PARN: variants seen among roughly 807,000 people sequenced by gnomAD.
The protein encoded by PARN is poly(A)-specific ribonuclease PARN.
A neutral mutation model predicts 102.8 loss-of-function variants in PARN; 71 were observed. The ratio of observed to expected loss-of-function variants is 0.69; its 90% CI spans 0.57 to 0.84. The LOEUF is 0.84. Among genes scored for constraint, PARN ranks in the 40% least tolerant of loss-of-function variants. The probability of loss-of-function intolerance (pLI) is 0.00; values close to 1 mark genes in which losing one functional copy is unlikely to be tolerated. For missense variants in PARN, 782 were observed against 760.9 expected (o/e 1.03, Z -0.33); for synonymous variants, 261 against 252.9 (o/e 1.03, Z -0.30).
intron 11 of PARN, chr16:14,601,781 G>T: frequency 6.6e-6 from 1 of 151,524 alleles, no homozygotes; most frequent in Non-Finnish European, 1.5e-5. Context: ...AAATTAGCCG[G>T]ACGCAGTGGC....
chr16:14,512,715 T>C (rs146910037), intron 21 of PARN, among the ~76,000 whole-genome samples: 1 of 152,168 alleles, frequency 6.6e-6, no homozygotes, highest in Non-Finnish European at 1.5e-5. Context: ...TGGGACCTTA[T>C]GGGACTCCAA....
At chr16:14,591,004 A>G (rs1453973390) in intron 13 of PARN, among the ~76,000 whole-genome samples, 1 of 152,096 alleles carries the variant, frequency 6.6e-6, no homozygotes, top group East Asian at 1.9e-4. Flanking sequence ...GGTTTTACCT[A>G]TTTGGGAGGC....
At chr16:14,620,632 C>A (rs1285152472) in intron 5 of PARN, among the ~76,000 whole-genome samples, 1 of 152,114 alleles carries the variant, frequency 6.6e-6, no homozygotes, top group Non-Finnish European at 1.5e-5. Context: ...CAAACAGTTC[C>A]ATTAAACTTA....
chr16:14,469,705 T>C (rs1405757467), intron 22 of PARN, among the ~76,000 whole-genome samples: 1 of 133,660 alleles, frequency 7.5e-6, no homozygotes, highest in Non-Finnish European at 1.7e-5. Context: ...AAGCATAAAG[T>C]GTCAAAAAAA....
chr16:14,565,410 C>CAA (rs71636621), intron 18 of PARN, among the ~76,000 whole-genome samples: 5 of 105,638 alleles, frequency 4.7e-5, no homozygotes, highest in African/African-American at 1.7e-4. Context: ...GAAACAAAGG[C>CAA]AAAAAAAAAA....
At chr16:14,533,413 TG>T (rs1270986944) in intron 21 of PARN, among the ~76,000 whole-genome samples, 11 of 97,914 alleles carry the variant, frequency 1.1e-4, no homozygotes, top group Non-Finnish European at 2.1e-4. Context: ...AGGGAGACCG[TG>T]GGGAGACGGA....
At position 14,628,194 on chromosome 16, in the gene PARN, T is replaced by G. The variant is rs1211629331; in HGVS notation, c.155A>C (p.Glu52Ala). Residue 52 changes from glutamate (E) to alanine (A), a missense_variant, in exon 3 of 24, where the codon GAG becomes GCG. Transcript: ENST00000437198. ...TGCCTTTTTAAGCTTCTGATACCTC[T>G]CTTCTGGAGTGTCAAAACCATTTGT... ...ALTNGFDTPE[E>A]RYQKLKKHSM... 6.2e-7 allele frequency: 1 copy of G among 1,600,880 alleles called. No homozygotes were observed.
intron 21 of PARN, among the ~76,000 whole-genome samples, chr16:14,545,697 T>C (rs1431452059): frequency 1.3e-5 from 2 of 152,180 alleles, no homozygotes; most frequent in Non-Finnish European, 2.9e-5. Context: ...ACTTGTAAGC[T>C]GCCGGAATGT....
chr16:14,515,877 C>A (rs749208928), intron 21 of PARN, among the ~76,000 whole-genome samples: 8 of 152,084 alleles, frequency 5.3e-5, no homozygotes, highest in Non-Finnish European at 1.2e-4. Context: ...GAGATTGAGG[C>A]TGCAGTGAGC....
At chr16:14,606,453 A>T (rs368413354) in intron 10 of PARN, 31 bp downstream of exon 10, 191 of 1,352,350 alleles carry the variant, frequency 1.4e-4, no homozygotes, top group Non-Finnish European at 1.7e-4. Flanking sequence ...GGATGTGTTT[A>T]ATGTTAGCCC....
chr16:14,449,103 A>G (rs1202164309), intron 22 of PARN, among the ~76,000 whole-genome samples: 1 of 152,214 alleles, frequency 6.6e-6, no homozygotes, highest in East Asian at 1.9e-4. Context: ...ATTCCTTCGC[A>G]TTGTAAATTC....
At chr16:14,462,034 C>A (rs913717218) in intron 22 of PARN, among the ~76,000 whole-genome samples, 3 of 152,210 alleles carry the variant, frequency 2.0e-5, no homozygotes, top group African/African-American at 7.2e-5. Context: ...ACAGTTAACA[C>A]ATCGTAGTCA....
intron 22 of PARN, among the ~76,000 whole-genome samples, chr16:14,458,319 GACTT>G (rs1961783652): frequency 1.3e-5 from 2 of 152,010 alleles, no homozygotes. Context: ...TCAATCAAAG[GACTT>G]ACTAATCAAA....
At chr16:14,529,223 G>A (rs1376257209) in intron 21 of PARN, among the ~76,000 whole-genome samples, 1 of 152,186 alleles carries the variant, frequency 6.6e-6, no homozygotes, top group Non-Finnish European at 1.5e-5. Context: ...TGCTAAGTCT[G>A]TCCACATTAC....
intron 18 of PARN, 148 bp downstream of exon 18, chr16:14,580,726 C>T: frequency 3.9e-6 from 2 of 509,922 alleles, no homozygotes; most frequent in Non-Finnish European, 3.6e-6. Context: ...TCACTTTCTA[C>T]TTTCAAAAAA....
At chr16:14,587,546 C>A (rs1307585549) in intron 13 of PARN, among the ~76,000 whole-genome samples, 2 of 152,230 alleles carry the variant, frequency 1.3e-5, no homozygotes, top group Non-Finnish European at 2.9e-5. Flanking sequence ...GTTGCCCAGA[C>A]TAGCCTTGAA....
chr16:14,471,371 T>C (rs151084638), intron 22 of PARN, among the ~76,000 whole-genome samples: 6 of 152,324 alleles, frequency 3.9e-5, no homozygotes, highest in Non-Finnish European at 8.8e-5. Flanking sequence ...TCATGAATTA[T>C]CAATAATTCA....
chr16:14,531,177 A>G (rs1966306762), intron 21 of PARN, among the ~76,000 whole-genome samples: 2 of 152,048 alleles, frequency 1.3e-5, no homozygotes, highest in Non-Finnish European at 2.9e-5. Context: ...AACCCCATCT[A>G]TATCAAAAAA....
chr16:14,482,324 C>A (rs1204366234), intron 22 of PARN, among the ~76,000 whole-genome samples: 1 of 151,522 alleles, frequency 6.6e-6, no homozygotes, highest in Non-Finnish European at 1.5e-5. Context: ...CCCAGGAGGT[C>A]GAAGCTGCAG....
Sources: allele counts gnomAD v4.1 joint callset (sites outside exome capture counted in the v4.1 genomes callset), GRCh38; gene constraint gnomAD v4.1.1; transcripts MANE v1.5; gene names NCBI Gene and HGNC (gene_info 2026-07-23, HGNC 2026-07-21).